The following JRK variants were observed in gnomAD, a reference collection of about 807,000 sequenced individuals.
JRK encodes jerky protein homolog.
For missense variants in JRK, 720 were observed against 509.2 expected (o/e 1.41, Z -3.98); for synonymous variants, 303 against 218.1 (o/e 1.39, Z -3.43).
the JRK span, among the ~76,000 whole-genome samples, chr8:142,647,033 G>A: frequency 6.6e-6 from 1 of 152,152 alleles, no homozygotes; most frequent in Non-Finnish European, 1.5e-5. Flanking sequence ...GGTATAGGCA[G>A]AAAAAGCCTG....
rs1554635290 is a variant in JRK at position 142,664,732 on chromosome 8, C to T, written c.1327G>A (p.Ala443Thr). 1 of 1,601,114 alleles carries T rather than the reference C, an allele frequency of 6.2e-7. No homozygotes were observed. The highest frequency in any genetic ancestry group is 8.5e-7 in the Non-Finnish European group (1 of 1,174,484). ...CGTCCCCCTTCTGCCTCCCTTCCCGCTACCCCCCAGCTGGCGGCCTGGCGC... is the reference window on the plus strand; with the variant it reads ...CGTCCCCCTTCTGCCTCCCTTCCCGTTACCCCCCAGCTGGCGGCCTGGCGC... ...RQRQAASWGV[A>T]GREAEGGRPP... Residue 443 changes from alanine to threonine, a missense_variant, in exon 2 of 2, where the codon GCG becomes ACG. Transcript: ENST00000612905.
rs1465997986 is a variant in JRK, at chr8:142,661,031, C to A, written c.*3321G>T. The A allele has an allele frequency of 1.0e-5, 10 of 985,266 alleles. No homozygotes were observed. The highest frequency in any genetic ancestry group is 1.1e-5 in the Non-Finnish European group (9 of 829,878). The allele number at this position is 985,266 out of a possible 1,614,324, so 61.0% of individuals were successfully genotyped here. A position where few individuals can be genotyped will look rare whatever the true frequency, so the allele number is the denominator to read the frequency against. On this transcript the variant is annotated 3_prime_UTR_variant, in exon 2 of 2. Coordinates refer to ENST00000612905, the MANE Select transcript of JRK (RefSeq NM_003724.4). The stretch of plus-strand genomic sequence containing the variant: ...CACTAGCAATCAATCACTTGGCCCA[C>A]TGGATAAGAACAGTGGCCTGCGACG...
chr8:142,661,301 C>G lies in JRK; in HGVS notation c.*3051G>C, dbSNP rs1283230495. On this transcript the variant is annotated 3_prime_UTR_variant, in exon 2 of 2. Transcript: ENST00000612905. Reference sequence around the variant, plus strand: ...GGGGCTGAAAGACCACCTACCCATCCTAACCCCTGAATTCACCATGCCACC... The same window carrying G: ...GGGGCTGAAAGACCACCTACCCATCGTAACCCCTGAATTCACCATGCCACC... The G allele has an allele frequency of 2.0e-6, 2 of 985,374 alleles. No homozygotes were observed. The highest frequency in any genetic ancestry group is 2.4e-6 in the Non-Finnish European group (2 of 829,972). 61.0% of individuals were successfully genotyped at this position (985,374 alleles called of 1,614,324 possible).
At chr8:142,655,861 T>C (rs1308294450), downstream of JRK, among the ~76,000 whole-genome samples, 1 of 152,226 alleles carries the variant, frequency 6.6e-6, no homozygotes, top group Non-Finnish European at 1.5e-5. Flanking sequence ...ATTTTCTAAA[T>C]TATTTCTTTA....
At chr8:142,651,208 AAC>A in the JRK span, among the ~76,000 whole-genome samples, 2 of 152,218 alleles carry the variant, frequency 1.3e-5, no homozygotes, top group Non-Finnish European at 2.9e-5. Flanking sequence ...TTTAAAAACA[AAC>A]ACATACACAC....
At chr8:142,652,947 C>T (rs1846692530), downstream of JRK, among the ~76,000 whole-genome samples, 1 of 152,190 alleles carries the variant, frequency 6.6e-6, no homozygotes, top group South Asian at 2.1e-4. Context: ...AGTACTGGCC[C>T]AGACTGGCCA....
At position 142,665,515 on chromosome 8, in the gene JRK, G is replaced by A. The variant is rs781868252; in HGVS notation, c.544C>T (p.Gln182Ter). 23 of 718,184 alleles carry A rather than the reference G, an allele frequency of 3.2e-5. No homozygotes were observed. The highest frequency in any genetic ancestry group is 6.0e-5 in the Non-Finnish European group (23 of 385,100). The allele number at this position is 718,184 out of a possible 1,614,324, so 44.5% of individuals were successfully genotyped here. The change falls in exon 2 of 2, where the codon CAG (glutamine) becomes TAG (stop). Residue 182 changes from glutamine (Q) to a stop codon, truncating the protein, a stop_gained. Coordinates refer to ENST00000612905, the MANE Select transcript of JRK (RefSeq NM_003724.4). LOFTEE classifies it low-confidence loss of function (END_TRUNC). ...CCGGTCTCATCAGCGTTGTAAACCT[G>A]CTCGGCGGACAGCCCGTGCTCAGCA... is the stretch of plus-strand genomic sequence containing the variant. ...LAAEHGLSAE[Q>*]VYNADETGLF...
chr8:142,657,024 A>G (rs1846766884), downstream of JRK, among the ~76,000 whole-genome samples: 1 of 151,744 alleles, frequency 6.6e-6, no homozygotes, highest in African/African-American at 2.4e-5. Context: ...GGAATTGCCA[A>G]CTCCTCTAGT....
At chr8:142,644,029 T>C in the JRK span, among the ~76,000 whole-genome samples, 2 of 152,210 alleles carry the variant, frequency 1.3e-5, no homozygotes, top group African/African-American at 4.8e-5. Flanking sequence ...AAATGATTAC[T>C]TCAGTCTTGT....
chr8:142,667,400 C>G (rs902666858), intron 1 of JRK, among the ~76,000 whole-genome samples: 1 of 151,692 alleles, frequency 6.6e-6, no homozygotes, highest in South Asian at 2.1e-4. Flanking sequence ...ACGGCAGGGC[C>G]GCAGAGCCTG....
the JRK span, among the ~76,000 whole-genome samples, chr8:142,645,694 T>A: frequency 0.57 from 84,812 of 148,992 alleles, 25,597 homozygotes; most frequent in Admixed American, 0.68. Flanking sequence ...AAAAAAAATA[T>A]ATATATACAT....
chr8:142,661,072 G>A lies in JRK; in HGVS notation c.*3280C>T, dbSNP rs1277079158. On this transcript the variant is annotated 3_prime_UTR_variant, in exon 2 of 2. Transcript: ENST00000612905. The stretch of plus-strand genomic sequence containing the variant: ...GCCTGCGACGTCAGGGGCAGTCCAG[G>A]TGCTCTCCATCGCATGCTCAGCCAT... 1 of 985,332 alleles carries A rather than the reference G, an allele frequency of 1.0e-6. No homozygotes were observed. The highest frequency in any genetic ancestry group is 1.1e-4 in the East Asian group (1 of 8,806). The allele number at this position is 985,332 out of a possible 1,614,324, so 61.0% of individuals were successfully genotyped here.
chr8:142,649,512 T>A, the JRK span, among the ~76,000 whole-genome samples: 3 of 152,340 alleles, frequency 2.0e-5, no homozygotes, highest in East Asian at 5.8e-4. Context: ...AAGACGTGAC[T>A]TGCTCCTCGT....
At chr8:142,647,565 C>A in the JRK span, among the ~76,000 whole-genome samples, 1 of 152,324 alleles carries the variant, frequency 6.6e-6, no homozygotes, top group East Asian at 1.9e-4. Context: ...TCTCTCTTTG[C>A]CTGATGCCAT....
At chr8:142,650,398 G>T in the JRK span, among the ~76,000 whole-genome samples, 1 of 152,212 alleles carries the variant, frequency 6.6e-6, no homozygotes, top group Non-Finnish European at 1.5e-5. Flanking sequence ...GAGGGGCCGG[G>T]GGTGGAATGA....
chr8:142,645,612 G>A, the JRK span, among the ~76,000 whole-genome samples: 4 of 152,136 alleles, frequency 2.6e-5, no homozygotes, highest in South Asian at 4.2e-4. Context: ...CCCGGGAGGC[G>A]GAGCTTGCAG....
downstream of JRK, among the ~76,000 whole-genome samples, chr8:142,654,215 T>C (rs1239865903): frequency 6.6e-6 from 1 of 152,038 alleles, no homozygotes; most frequent in Admixed American, 6.5e-5. Context: ...TCCATGGCCA[T>C]TCTAGTGTAC....
rs781989281 is a variant in JRK, at chr8:142,659,084, G to A, written c.*5268C>T. 3.2e-5 allele frequency: 45 copies of A among 1,407,294 alleles called. No homozygotes were observed. The Admixed American group carries it at 9.6e-4, about 30-fold the overall frequency. The allele number at this position is 1,407,294 out of a possible 1,614,324, so 87.2% of individuals were successfully genotyped here. On this transcript the variant is annotated 3_prime_UTR_variant, in exon 2 of 2. Coordinates refer to ENST00000612905, the MANE Select transcript of JRK (RefSeq NM_003724.4). ...GTATTTTTTCTCTTCAGAACTGACA[G>A]CCCATCAAGGTACAATGAAATAGAA...
In JRK at chr8:142,663,080, G is replaced by A; in HGVS notation, c.*1272C>T. On this transcript the variant is annotated 3_prime_UTR_variant, in exon 2 of 2. Coordinates refer to ENST00000612905, the MANE Select transcript of JRK (RefSeq NM_003724.4). ...GGGCGGGAGGATCACTCAAGCCAGG[G>A]AGGTCGAGGCTGCAGTGAGCTGGGA... 1.2e-6 allele frequency: 1 copy of A among 848,320 alleles called. No homozygotes were observed. The highest frequency in any genetic ancestry group is 1.4e-6 in the Non-Finnish European group (1 of 704,996). 52.5% of individuals were successfully genotyped at this position (848,320 alleles called of 1,614,324 possible).
Sources: allele counts gnomAD v4.1 joint callset (sites outside exome capture counted in the v4.1 genomes callset), GRCh38; gene constraint gnomAD v4.1.1; transcripts MANE v1.5; gene names NCBI Gene and HGNC (gene_info 2026-07-23, HGNC 2026-07-21).